ARFGEF3: variants seen among roughly 807,000 people sequenced by gnomAD.
The protein encoded by ARFGEF3 is ARFGEF family member 3, also known as brefeldin A-inhibited guanine nucleotide-exchange protein 3.
ARFGEF3 carries 96 observed loss-of-function variants against 221.7 expected under a neutral mutation model. That is an observed-to-expected ratio of 0.43 (90% CI 0.37 to 0.51). The LOEUF (loss-of-function observed/expected upper bound fraction) is 0.51. Among genes scored for constraint, ARFGEF3 ranks in the 20% least tolerant of loss-of-function variants. The probability of loss-of-function intolerance (pLI) is 0.00; values close to 1 mark genes in which losing one functional copy is unlikely to be tolerated. For missense variants in ARFGEF3, 2,410 were observed against 2,789.9 expected (o/e 0.86, Z 3.07); for synonymous variants, 1,145 against 1,126.8 (o/e 1.02, Z -0.32).
At chr6:138,300,233 A>C (rs757536838) in intron 22 of ARFGEF3, among the ~76,000 whole-genome samples, 10 of 152,240 alleles carry the variant, frequency 6.6e-5, no homozygotes, top group Admixed American at 5.9e-4. Context: ...GTTAACACCT[A>C]AAGACTAGAT....
intron 29 of ARFGEF3, among the ~76,000 whole-genome samples, chr6:138,321,906 C>T (rs191540015): frequency 9.4e-4 from 143 of 151,656 alleles, no homozygotes; most frequent in African/African-American, 3.3e-3. Flanking sequence ...TACAGTTCCA[C>T]GTGGCTGGGG....
chr6:138,336,913 C>CCCTGGT lies in ARFGEF3; in HGVS notation c.*427_*428insCCTGGT, dbSNP rs1780337267. ...TCTGCTGGTAAGTCAAGCTGATAAA[C>CCCTGGT]ACTCAGACATCTAGTACCAGGGATT... On this transcript the variant is annotated 3_prime_UTR_variant, in exon 34 of 34. Transcript: ENST00000251691. 1 of 152,634 alleles carries CCCTGGT rather than the reference C, an allele frequency of 6.6e-6. No homozygotes were observed. Among genetic ancestry groups the CCCTGGT allele is most frequent in the Non-Finnish European group, 1.5e-5 (1 of 68,302 alleles). 9.5% of individuals were successfully genotyped at this position (152,634 alleles called of 1,614,324 possible).
intron 22 of ARFGEF3, among the ~76,000 whole-genome samples, chr6:138,299,880 A>G (rs903975720): frequency 1.3e-4 from 20 of 152,130 alleles, no homozygotes; most frequent in Non-Finnish European, 2.1e-4. Flanking sequence ...TATTATTACA[A>G]CCTAGCCCTT....
At chr6:138,266,547 TC>T (rs1187222888) in intron 12 of ARFGEF3, among the ~76,000 whole-genome samples, 2 of 152,178 alleles carry the variant, frequency 1.3e-5, no homozygotes, top group East Asian at 3.9e-4. Flanking sequence ...CCTTTTGGTC[TC>T]TTAAGATGTG....
At chr6:138,206,727 G>A (rs1777630165) in intron 2 of ARFGEF3, among the ~76,000 whole-genome samples, 1 of 152,108 alleles carries the variant, frequency 6.6e-6, no homozygotes, top group African/African-American at 2.4e-5. Context: ...TGTTAATTTG[G>A]GAAAGAACAA....
At position 138,214,952 on chromosome 6, in the gene ARFGEF3, A is replaced by G. The variant is rs193052007; in HGVS notation, c.351+4911A>G. Among the ~76,000 whole-genome samples, 3 of 152,350 alleles carry G rather than the reference A, an allele frequency of 2.0e-5. No individual in the cohort carries two copies. In the East Asian group the frequency reaches 5.8e-4, roughly 29 times the overall value. ...ACCCAAAGAAAAGTTTTACAGCTTG[A>G]GCAAACAATAAATGGTCAGAACTGT... is the stretch of plus-strand genomic sequence containing the variant. On this transcript the variant is annotated intron_variant, in intron 4 of 33. Transcript: ENST00000251691.
intron 12 of ARFGEF3, among the ~76,000 whole-genome samples, chr6:138,276,805 A>G (rs1467020693): frequency 6.6e-6 from 1 of 152,164 alleles, no homozygotes; most frequent in African/African-American, 2.4e-5. Context: ...GGCTGGGACT[A>G]CAGGCATGCG....
At chr6:138,285,859 G>A in intron 14 of ARFGEF3, 87 bp from the exon 15 acceptor site, 1 of 756,476 alleles carries the variant, frequency 1.3e-6, no homozygotes, top group Non-Finnish European at 2.3e-6. Context: ...AGGGATATTT[G>A]TTAAAAATGA....
intron 9 of ARFGEF3, among the ~76,000 whole-genome samples, chr6:138,254,235 G>A (rs987113538): frequency 1.3e-5 from 2 of 151,830 alleles, no homozygotes; most frequent in Non-Finnish European, 2.9e-5. Context: ...TGGGCAACAT[G>A]ATGAAACCTC....
intron 10 of ARFGEF3, among the ~76,000 whole-genome samples, chr6:138,257,244 G>T (rs1017235748): frequency 4.6e-5 from 7 of 152,268 alleles, no homozygotes; most frequent in Non-Finnish European, 1.0e-4. Context: ...GACAGCAGTG[G>T]CCCTTCCCCA....
In ARFGEF3 at chr6:138,317,276, G is replaced by C. The variant is rs776792030; in HGVS notation, c.4371G>C (p.Leu1457=). The change falls in exon 27 of 34, where the codon CTG becomes CTC. Residue 1457 remains leucine, a synonymous_variant. Transcript: ENST00000251691. The part of the protein sequence containing the change: ...DTGLIEVWII[L]LEQLTAAVSN... The stretch of plus-strand genomic sequence containing the variant: ...GTCTGATAGAAGTCTGGATAATCCT[G>C]CTGGAGCAGCTGACAGCGGCTGTGT... The C allele has an allele frequency of 1.2e-6, 2 of 1,613,976 alleles. No individual in the cohort carries two copies. The highest frequency in any genetic ancestry group is 1.7e-6 in the Non-Finnish European group (2 of 1,179,882).
chr6:138,336,634 C>G lies in ARFGEF3; in HGVS notation c.*148C>G, dbSNP rs957740844. The G allele has an allele frequency of 1.2e-5, 7 of 592,454 alleles. No individual in the cohort carries two copies. The highest frequency in any genetic ancestry group is 2.0e-5 in the Non-Finnish European group (7 of 356,116). The allele number at this position is 592,454 out of a possible 1,614,324, so 36.7% of individuals were successfully genotyped here. On this transcript the variant is annotated 3_prime_UTR_variant, in exon 34 of 34. Coordinates refer to ENST00000251691, the MANE Select transcript of ARFGEF3 (RefSeq NM_020340.5). ...GTGTTTCCTAATGTAAAAAGCCTTTCCAACCACTGATCAGCATTGGGGCCA... is the reference window on the plus strand; with the variant it reads ...GTGTTTCCTAATGTAAAAAGCCTTTGCAACCACTGATCAGCATTGGGGCCA...
In ARFGEF3 at chr6:138,280,048, C is replaced by T; in HGVS notation, c.2345C>T (p.Ser782Phe). The T allele has an allele frequency of 6.2e-7, 1 of 1,613,922 alleles. No individual in the cohort carries two copies. The highest frequency in any genetic ancestry group is 8.5e-7 in the Non-Finnish European group (1 of 1,179,842). ...ACCAGCGGCGTGCTGATGGTCTTCT[C>T]TCAGGCCTGGATTGAGGAGCTCTAC... ...VQTSGVLMVF[S>F]QAWIEELYHQ... The change falls in exon 14 of 34, where the codon TCT (serine) becomes TTT (phenylalanine). Residue 782 changes from serine to phenylalanine, a missense_variant. Around this residue, in one of 5 missense-constraint regions of ARFGEF3, gnomAD observed 594 missense variants for 734.3 expected, o/e 0.81. Coordinates refer to ENST00000251691, the MANE Select transcript of ARFGEF3 (RefSeq NM_020340.5).
intron 10 of ARFGEF3, among the ~76,000 whole-genome samples, chr6:138,258,592 A>T (rs546356806): frequency 2.3e-4 from 35 of 152,190 alleles, no homozygotes; most frequent in Admixed American, 7.2e-4. Flanking sequence ...ACAATTGATT[A>T]TACGTCCCAT....
intron 26 of ARFGEF3, among the ~76,000 whole-genome samples, chr6:138,316,192 CCTAT>C (rs1252775395): frequency 1.2e-4 from 18 of 152,120 alleles, no homozygotes; most frequent in South Asian, 8.3e-4. Flanking sequence ...CCATCCAGCA[CCTAT>C]CTAAGTTTTC....
intron 5 of ARFGEF3, 85 bp downstream of exon 5, chr6:138,229,937 G>C: frequency 9.3e-7 from 1 of 1,077,060 alleles, no homozygotes. Context: ...CTAAGCCCCA[G>C]CACTGGAGTG....
At chr6:138,203,385 G>A (rs1050312811) in intron 2 of ARFGEF3, among the ~76,000 whole-genome samples, 15 of 152,186 alleles carry the variant, frequency 9.9e-5, no homozygotes, top group African/African-American at 3.6e-4. Flanking sequence ...AGGGCAAGAA[G>A]GTTGTAGTGA....
chr6:138,297,858 A>G (rs374803135), intron 21 of ARFGEF3, among the ~76,000 whole-genome samples: 12 of 152,226 alleles, frequency 7.9e-5, no homozygotes, highest in African/African-American at 2.6e-4. Flanking sequence ...TTGTGTATCT[A>G]TGGTCAGCTG....
rs1345911919 is a variant in ARFGEF3 at position 138,261,530 on chromosome 6, C to T, written c.1108C>T (p.Leu370Phe). 1.3e-6 allele frequency: 2 copies of T among 1,554,388 alleles called. No individual in the cohort carries two copies. The highest frequency in any genetic ancestry group is 2.4e-5 in the South Asian group (2 of 83,240). Residue 370 changes from leucine (L) to phenylalanine (F), a missense_variant, in exon 11 of 34, where the codon CTT becomes TTT. Physicochemically the swap from Leu to Phe is conservative, Grantham distance 22. Transcript: ENST00000251691. ...CTCTTTTACCTTTTTCTTTAAGATA[C>T]TTGGGAGCCCACAGCGTCTCTGTGA... ...VEAIKIMKEI[L>F]GSPQRLCDLA...
Sources: allele counts gnomAD v4.1 joint callset (sites outside exome capture counted in the v4.1 genomes callset), GRCh38; gene constraint gnomAD v4.1.1; regional missense constraint gnomAD v4.1.1; transcripts MANE v1.5; gene names NCBI Gene and HGNC (gene_info 2026-07-23, HGNC 2026-07-21).